Variants in JAK1 observed in about 807,000 individuals in gnomAD.
The protein encoded by JAK1 is Janus kinase 1.
JAK1 carries 16 observed loss-of-function variants against 136.6 expected under a neutral mutation model. The observed-to-expected ratio is 0.12, with a 90% CI of 0.08 to 0.18. The LOEUF (loss-of-function observed/expected upper bound fraction) is 0.18. Ranked by LOEUF, JAK1 falls within the 10% of genes least tolerant of loss-of-function variation. The probability of loss-of-function intolerance (pLI) is 1.00; values close to 1 mark genes in which losing one functional copy is unlikely to be tolerated. For missense variants in JAK1, 859 were observed against 1,450.1 expected, an observed-to-expected ratio of 0.59 and a Z score of 6.62; for synonymous variants, 492 against 519.5, an observed-to-expected ratio of 0.95 and a Z score of 0.72.
At chr1:65,034,082 A>G (rs1375504794) in intron 2 of JAK1, among the ~76,000 whole-genome samples, 3 of 152,248 alleles carry the variant, frequency 2.0e-5, no homozygotes, top group East Asian at 3.8e-4. Flanking sequence ...GGATTTTACT[A>G]TTCAGGATGG....
intron 11 of JAK1, among the ~76,000 whole-genome samples, chr1:64,853,044 C>G (rs1655700198): frequency 6.6e-6 from 1 of 152,134 alleles, no homozygotes; most frequent in African/African-American, 2.4e-5. Flanking sequence ...TTTATTTATC[C>G]CATGAAGAGT....
chr1:64,933,794 C>T (rs1020414691), intron 1 of JAK1, among the ~76,000 whole-genome samples: 4 of 152,214 alleles, frequency 2.6e-5, no homozygotes, highest in Admixed American at 1.3e-4. Flanking sequence ...TCACCAAGCA[C>T]GCCGCTGCTC....
chr1:65,028,736 T>C (rs1380760395), intron 2 of JAK1, among the ~76,000 whole-genome samples: 1 of 152,326 alleles, frequency 6.6e-6, no homozygotes, highest in East Asian at 1.9e-4. Context: ...TGTTACATGT[T>C]TTTACATACG....
At chr1:64,855,808 G>GT in intron 10 of JAK1, 110 bp from the exon 11 acceptor site, 1 of 799,944 alleles carries the variant, frequency 1.3e-6, no homozygotes, top group Admixed American at 3.2e-5. Context: ...CACCATCTCT[G>GT]TAACATTTCT....
chr1:65,021,412 T>G (rs1646935693), intron 2 of JAK1, among the ~76,000 whole-genome samples: 1 of 152,232 alleles, frequency 6.6e-6, no homozygotes, highest in African/African-American at 2.4e-5. Flanking sequence ...CCATCGGCAC[T>G]TCAGCAGGAT....
intron 1 of JAK1, among the ~76,000 whole-genome samples, chr1:64,938,255 C>T (rs1205107036): frequency 2.0e-5 from 3 of 151,964 alleles, no homozygotes; most frequent in Admixed American, 6.6e-5. Context: ...AATACTCTTT[C>T]GTAAAGAACA....
chr1:64,976,610 T>C (rs773856562), intron 2 of JAK1, among the ~76,000 whole-genome samples: 6 of 152,232 alleles, frequency 3.9e-5, no homozygotes, highest in Admixed American at 1.3e-4. Context: ...GAGGAGGCTA[T>C]TATTATACTT....
intron 2 of JAK1, among the ~76,000 whole-genome samples, chr1:65,006,969 G>A (rs1181019766): frequency 2.0e-5 from 3 of 152,146 alleles, no homozygotes. Flanking sequence ...TGTTTGCCCA[G>A]TAATGTCAGA....
At chr1:64,891,392 C>T (rs1644934014) in intron 1 of JAK1, among the ~76,000 whole-genome samples, 1 of 152,110 alleles carries the variant, frequency 6.6e-6, no homozygotes, top group Admixed American at 6.5e-5. Flanking sequence ...TAACAACCAC[C>T]CAGGAGACTG....
At chr1:64,934,407 A>G (rs892830460) in intron 1 of JAK1, among the ~76,000 whole-genome samples, 5 of 152,180 alleles carry the variant, frequency 3.3e-5, no homozygotes, top group Non-Finnish European at 5.9e-5. Flanking sequence ...AGTGAAGAGC[A>G]GGGTCGTTTC....
Position 64,902,974 on chromosome 1 carries a change from G to A in JAK1, c.-77-16633C>T, listed in dbSNP as rs968499693. Among the ~76,000 whole-genome samples, 6 of 152,120 alleles carry A rather than the reference G, an allele frequency of 3.9e-5. No homozygotes were observed. The South Asian group carries it at 1.0e-3, about 26-fold the overall frequency. On this transcript the variant is annotated intron_variant, in intron 1 of 24. Coordinates refer to ENST00000342505, the MANE Select transcript of JAK1 (RefSeq NM_002227.4). ...GAGACCACTGTAAGGTCTTTGCCCC[G>A]TTTTCTTAATTCCTTCTCCTATCTG...
At chr1:64,859,960 T>C (rs1251009189) in intron 9 of JAK1, 145 bp downstream of exon 9, 1 of 579,622 alleles carries the variant, frequency 1.7e-6, no homozygotes, top group Non-Finnish European at 2.8e-6. Context: ...GACCAGAGCT[T>C]GGACAGCAGG....
At chr1:65,044,311 G>A (rs1044174450) in intron 2 of JAK1, among the ~76,000 whole-genome samples, 3 of 152,176 alleles carry the variant, frequency 2.0e-5, no homozygotes, top group Non-Finnish European at 2.9e-5. Flanking sequence ...TCTGCTTTTT[G>A]GCAAAGTGCA....
intron 1 of JAK1, among the ~76,000 whole-genome samples, chr1:64,892,438 A>G (rs1187036357): frequency 6.6e-6 from 1 of 152,032 alleles, no homozygotes; most frequent in Non-Finnish European, 1.5e-5. Flanking sequence ...ACACTACCAC[A>G]TTCAGTTAAT....
chr1:65,040,990 G>A (rs1647127179), intron 2 of JAK1, among the ~76,000 whole-genome samples: 1 of 152,142 alleles, frequency 6.6e-6, no homozygotes, highest in South Asian at 2.1e-4. Flanking sequence ...CGCTCCTGTT[G>A]CTATCACAGA....
At chr1:64,963,451 ACTAAG>A (rs1258207066) in intron 1 of JAK1, among the ~76,000 whole-genome samples, 1 of 146,376 alleles carries the variant, frequency 6.8e-6, no homozygotes, top group Non-Finnish European at 1.5e-5. Flanking sequence ...CAATAAGAAA[ACTAAG>A]TATACTAAAA....
At chr1:65,057,558 G>A (rs1647601808) in intron 1 of JAK1, among the ~76,000 whole-genome samples, 3 of 152,096 alleles carry the variant, frequency 2.0e-5, no homozygotes, top group African/African-American at 4.8e-5. Flanking sequence ...CAGGTGGGTG[G>A]CCTGAGCCTG....
intron 1 of JAK1, among the ~76,000 whole-genome samples, chr1:65,063,314 C>T (rs544480756): frequency 6.6e-6 from 1 of 152,176 alleles, no homozygotes; most frequent in Non-Finnish European, 1.5e-5. Context: ...CAGCAATAGC[C>T]GGGTATGTGG....
At position 64,908,831 on chromosome 1, in the gene JAK1, A is replaced by T. The variant is rs369154871; in HGVS notation, c.-77-22490T>A. Among the ~76,000 whole-genome samples, 35 of 152,228 alleles carry T rather than the reference A, an allele frequency of 2.3e-4. 9 individuals are homozygous for T. The highest frequency in any genetic ancestry group is 3.9e-4 in the Admixed American group (6 of 15,280). On this transcript the variant is annotated intron_variant, in intron 1 of 24. Transcript: ENST00000342505. Reference sequence around the variant, plus strand: ...CTCTATGCATAGGAGAAACTGTATAATTAGAGGCAGTCTTTCTCCAGCCCA... The same window carrying T: ...CTCTATGCATAGGAGAAACTGTATATTTAGAGGCAGTCTTTCTCCAGCCCA...
Sources: allele counts gnomAD v4.1 joint callset (sites outside exome capture counted in the v4.1 genomes callset), GRCh38; gene constraint gnomAD v4.1.1; transcripts MANE v1.5; gene names NCBI Gene and HGNC (gene_info 2026-07-23, HGNC 2026-07-21).